Variants in DAOA observed in about 807,000 individuals in gnomAD.
DAOA encodes D-amino acid oxidase activator.
A neutral mutation model predicts 16.4 loss-of-function variants in DAOA; 15 were observed. The ratio of observed to expected loss-of-function variants is 0.91; its 90% CI spans 0.61 to 1.41. DAOA has a LOEUF of 1.41. DAOA is among the 40% of genes most tolerant of loss of function. The probability of loss-of-function intolerance (pLI) is 0.00; values close to 1 mark genes in which losing one functional copy is unlikely to be tolerated. For synonymous variants in DAOA, 75 were observed against 59.1 expected (o/e 1.27, Z -1.23); for missense variants, 230 against 176.8 (o/e 1.30, Z -1.71).
chr13:105,468,749 C>T (rs1297030198), intron 3 of DAOA, among the ~76,000 whole-genome samples: 1 of 152,174 alleles, frequency 6.6e-6, no homozygotes, highest in Admixed American at 6.5e-5. Flanking sequence ...GGAAGGAAAA[C>T]AAGCTTATTG....
chr13:105,480,936 A>C (rs1877706038), intron 4 of DAOA, among the ~76,000 whole-genome samples: 1 of 152,196 alleles, frequency 6.6e-6, no homozygotes, highest in African/African-American at 2.4e-5. Context: ...CGCAGATGCC[A>C]AAGTCTTCTG....
chr13:105,467,136 C>A lies in DAOA; in HGVS notation c.128C>A (p.Ser43Tyr). ...AGCAAATCTGAAAACTCTCTAAACT[C>A]TATTGGTATGTTACTCTTTATCTTT... ...LLSKSENSLN[S>Y]IAKETEEGRE... Residue 43 changes from serine (S) to tyrosine (Y), a missense_variant, in exon 3 of 6, where the codon TCT becomes TAT. Transcript: ENST00000375936. The A allele has an allele frequency of 6.2e-7, 1 of 1,606,682 alleles. No individual in the cohort carries two copies. Among genetic ancestry groups the A allele is most frequent in the South Asian group, 1.1e-5 (1 of 90,050 alleles).
intron 3 of DAOA, among the ~76,000 whole-genome samples, chr13:105,468,564 C>T (rs924373442): frequency 3.3e-5 from 5 of 151,938 alleles, no homozygotes; most frequent in Non-Finnish European, 7.4e-5. Flanking sequence ...TCTTTAACAA[C>T]AATTAAAAAA....
chr13:105,480,799 G>GT (rs1877687176), intron 4 of DAOA, among the ~76,000 whole-genome samples: 1 of 152,122 alleles, frequency 6.6e-6, no homozygotes, highest in Non-Finnish European at 1.5e-5. Context: ...GGAATGAAGA[G>GT]TAAGTTCCAG....
chr13:105,473,437 G>GT (rs1035911085), intron 4 of DAOA, among the ~76,000 whole-genome samples: 62 of 151,978 alleles, frequency 4.1e-4, no homozygotes, highest in African/African-American at 1.5e-3. Flanking sequence ...TTTTAGAATA[G>GT]TATAAACATT....
chr13:105,466,753 C>T (rs1269878626), intron 2 of DAOA, among the ~76,000 whole-genome samples: 3 of 151,986 alleles, frequency 2.0e-5, no homozygotes, highest in African/African-American at 7.3e-5. Context: ...AAGGGAGAGG[C>T]GCTAGTTTGG....
intron 4 of DAOA, among the ~76,000 whole-genome samples, chr13:105,481,957 C>T (rs976582045): frequency 1.3e-5 from 2 of 152,136 alleles, no homozygotes; most frequent in African/African-American, 4.8e-5. Context: ...CTCACATTTC[C>T]ACATGGCTGA....
rs761251788 is a variant in DAOA at position 105,467,033 on chromosome 13, A to T, written c.45-20A>T. 2.4e-5 allele frequency: 38 copies of T among 1,606,768 alleles called. No individual in the cohort carries two copies. The highest frequency in any genetic ancestry group is 3.1e-5 in the Non-Finnish European group (36 of 1,177,188). On this transcript the variant is annotated intron_variant, in intron 2 of 5. Coordinates refer to ENST00000375936, the MANE Select transcript of DAOA (RefSeq NM_172370.5). ...GTATAAAGGAATCTGAACACGACTG[A>T]TATTTTCTTTAATTTTTAGATCCAG...
intron 4 of DAOA, among the ~76,000 whole-genome samples, chr13:105,484,968 A>G (rs1878011570): frequency 6.6e-6 from 1 of 151,986 alleles, no homozygotes; most frequent in East Asian, 1.9e-4. Context: ...TGTCTCTAAA[A>G]CCATCGTTTC....
intron 4 of DAOA, 119 bp downstream of exon 4, chr13:105,472,804 T>C: frequency 1.2e-6 from 1 of 822,314 alleles, no homozygotes; most frequent in Non-Finnish European, 1.8e-6. Flanking sequence ...TGTTGAACTT[T>C]TATCTAGCTC....
At chr13:105,472,886 T>C (rs1175481568) in intron 4 of DAOA, among the ~76,000 whole-genome samples, 1 of 152,198 alleles carries the variant, frequency 6.6e-6, no homozygotes, top group Non-Finnish European at 1.5e-5. Context: ...TTCTTCACAT[T>C]TTTTCATGCA....
chr13:105,480,753 G>C (rs369449264), intron 4 of DAOA, among the ~76,000 whole-genome samples: 1 of 152,042 alleles, frequency 6.6e-6, no homozygotes, highest in African/African-American at 2.4e-5. Flanking sequence ...GTAATACCTA[G>C]AGTCCAAAAA....
Position 105,475,837 on chromosome 13 carries a change from G to A in DAOA, c.281+3152G>A, listed in dbSNP as rs570039427. 3.5e-4 allele frequency among the ~76,000 whole-genome samples: 54 copies of A among 152,184 alleles called. 1 individual carries two copies. The South Asian group carries it at 0.011, about 32-fold the overall frequency. On this transcript the variant is annotated intron_variant, in intron 4 of 5. Transcript: ENST00000375936. ...TATATTTAAGACAAAGTAAGATGTTGGTAGTGTCTTTATTGGAATATCTAT... is the reference window on the plus strand; with the variant it reads ...TATATTTAAGACAAAGTAAGATGTTAGTAGTGTCTTTATTGGAATATCTAT...
rs539722483 is a variant in DAOA at position 105,479,549 on chromosome 13, C to A, written c.281+6864C>A. On this transcript the variant is annotated intron_variant, in intron 4 of 5. Coordinates refer to ENST00000375936, the MANE Select transcript of DAOA (RefSeq NM_172370.5). ...GACTTCCTGATGGTGGCCGGCAATG[C>A]GCCACCTTCCTTGGCTGACAGGCAC... Among the ~76,000 whole-genome samples the A allele has an allele frequency of 5.3e-5, 8 of 152,272 alleles. No individual in the cohort carries two copies. The South Asian group carries it at 8.3e-4, about 16-fold the overall frequency.
chr13:105,473,394 A>G (rs1280209489), intron 4 of DAOA, among the ~76,000 whole-genome samples: 1 of 152,114 alleles, frequency 6.6e-6, no homozygotes, highest in Non-Finnish European at 1.5e-5. Flanking sequence ...GTTAGGCTTA[A>G]CGAGAATAAG....
At position 105,466,292 on chromosome 13, in the gene DAOA, C is replaced by G; in HGVS notation, c.4C>G (p.Leu2Val). The change falls in exon 2 of 6, where the codon CTG becomes GTG. Residue 2 changes from leucine to valine, a missense_variant. Physicochemically the swap from Leu to Val is conservative, Grantham distance 32. Coordinates refer to ENST00000375936, the MANE Select transcript of DAOA (RefSeq NM_172370.5). M[L>V]EKLMGADSLQ... is the part of the protein sequence containing the mutation. ...GATTTAGCTGGGAGGACCCAAAATGCTGGAAAAGCTGATGGGTGCTGATTC... is the reference window on the plus strand; with the variant it reads ...GATTTAGCTGGGAGGACCCAAAATGGTGGAAAAGCTGATGGGTGCTGATTC... 6.2e-7 allele frequency: 1 copy of G among 1,613,924 alleles called. No homozygotes were observed. Among genetic ancestry groups the G allele is most frequent in the Non-Finnish European group, 8.5e-7 (1 of 1,179,916 alleles).
chr13:105,480,156 T>G (rs1877613517), intron 4 of DAOA, among the ~76,000 whole-genome samples: 1 of 152,188 alleles, frequency 6.6e-6, no homozygotes, highest in Non-Finnish European at 1.5e-5. Context: ...TAAATTGAAA[T>G]AGTAAGATTA....
intron 2 of DAOA, chr13:105,466,550 A>G: frequency 1.5e-6 from 1 of 675,886 alleles, no homozygotes; most frequent in Admixed American, 3.3e-5. Flanking sequence ...AATGAGGAGG[A>G]GACATAGGCC....
chr13:105,484,821 T>A (rs7981643), intron 4 of DAOA, among the ~76,000 whole-genome samples: 1 of 152,112 alleles, frequency 6.6e-6, no homozygotes, highest in Non-Finnish European at 1.5e-5. Flanking sequence ...TACTATGAAT[T>A]CAAATTTCAA....
Sources: allele counts gnomAD v4.1 joint callset (sites outside exome capture counted in the v4.1 genomes callset), GRCh38; gene constraint gnomAD v4.1.1; transcripts MANE v1.5; gene names NCBI Gene and HGNC (gene_info 2026-07-23, HGNC 2026-07-21).